The following EXPH5 variants were observed in gnomAD, a reference collection of about 807,000 sequenced individuals.
The protein encoded by EXPH5 is exophilin 5.
A neutral mutation model predicts 41.1 loss-of-function variants in EXPH5; 42 were observed. That is an observed-to-expected ratio of 1.02 (90% CI 0.80 to 1.32). The LOEUF is 1.32. Among genes scored for constraint, EXPH5 ranks in the 40% most tolerant of loss-of-function variants. The pLI is 0.00. For synonymous variants in EXPH5, 798 were observed against 833.5 expected (o/e 0.96, Z 0.73); for missense variants, 2,298 against 2,314.5 (o/e 0.99, Z 0.15).
chr11:108,578,433 C>T (rs578007802), intron 1 of EXPH5, among the ~76,000 whole-genome samples: 1 of 152,220 alleles, frequency 6.6e-6, no homozygotes, highest in South Asian at 2.1e-4. Flanking sequence ...TTAGTTACTG[C>T]TGCTTTGTAG....
At chr11:108,544,868 T>C (rs950017299) in intron 1 of EXPH5, among the ~76,000 whole-genome samples, 28 of 152,188 alleles carry the variant, frequency 1.8e-4, no homozygotes, top group African/African-American at 5.1e-4. Context: ...TGTTTTAGAG[T>C]AGAATAATTA....
At chr11:108,549,722 G>T (rs1212432294) in intron 1 of EXPH5, among the ~76,000 whole-genome samples, 1 of 152,172 alleles carries the variant, frequency 6.6e-6, no homozygotes, top group African/African-American at 2.4e-5. Flanking sequence ...CAGAGCCCAG[G>T]AGTAGTGTCA....
chr11:108,552,778 G>T (rs1165838508), intron 1 of EXPH5, among the ~76,000 whole-genome samples: 1 of 152,142 alleles, frequency 6.6e-6, no homozygotes, highest in Non-Finnish European at 1.5e-5. Flanking sequence ...AACTAGCTGG[G>T]CTTGCTAGTG....
At chr11:108,568,987 T>G (rs2094047522) in intron 1 of EXPH5, among the ~76,000 whole-genome samples, 1 of 152,070 alleles carries the variant, frequency 6.6e-6, no homozygotes. Flanking sequence ...TTTGTCAAGC[T>G]CAGGGGCCTC....
chr11:108,558,365 A>G (rs755432626), intron 1 of EXPH5, among the ~76,000 whole-genome samples: 1 of 152,262 alleles, frequency 6.6e-6, no homozygotes, highest in African/African-American at 2.4e-5. Flanking sequence ...CTGGGACTAC[A>G]GGCACATGCC....
chr11:108,558,857 G>A (rs778732244), intron 1 of EXPH5, among the ~76,000 whole-genome samples: 2 of 152,152 alleles, frequency 1.3e-5, no homozygotes, highest in Non-Finnish European at 2.9e-5. Flanking sequence ...CTTCCACCTA[G>A]ATTATTTCAT....
chr11:108,593,011 C>T (rs2094131364), intron 1 of EXPH5, among the ~76,000 whole-genome samples: 1 of 152,226 alleles, frequency 6.6e-6, no homozygotes, highest in Non-Finnish European at 1.5e-5. Context: ...CGTGGGTGCG[C>T]GCGGGCCGCG....
Position 108,514,046 on chromosome 11 carries a change from A to AT in EXPH5, c.1460dup (p.His487GlnfsTer6). On this transcript the variant is annotated frameshift_variant, in exon 6 of 6. Coordinates refer to ENST00000265843, the MANE Select transcript of EXPH5 (RefSeq NM_015065.3). LOFTEE classifies it low-confidence loss of function (END_TRUNC). ...TTCGATGAAAGTCAGACCAGAAAGAATGTCCTTTCTCTTGGCCCCAAAAAG... is the reference window on the plus strand; with the variant it reads ...TTCGATGAAAGTCAGACCAGAAAGAATTGTCCTTTCTCTTGGCCCCAAAAAG... 6.2e-7 allele frequency: 1 copy of AT among 1,614,174 alleles called. No homozygotes were observed. Among genetic ancestry groups the AT allele is most frequent in the Non-Finnish European group, 8.5e-7 (1 of 1,180,006 alleles).
At chr11:108,562,362 G>A (rs560865047) in intron 1 of EXPH5, among the ~76,000 whole-genome samples, 6 of 151,008 alleles carry the variant, frequency 4.0e-5, no homozygotes, top group Non-Finnish European at 5.9e-5. Context: ...GGAGGTCGAG[G>A]TGGTGGATCA....
rs868697194 is a variant in EXPH5 at position 108,506,114 on chromosome 11, T to C, written c.*3423A>G. On this transcript the variant is annotated 3_prime_UTR_variant, in exon 6 of 6. Coordinates refer to ENST00000265843, the MANE Select transcript of EXPH5 (RefSeq NM_015065.3). ...GTATTTATTACGATTGATTCCCCTA[T>C]GATTTACTCCATTTACATGAATGTT... The C allele has an allele frequency of 6.6e-5, 10 of 152,212 alleles. No homozygotes were observed. Among genetic ancestry groups the C allele is most frequent in the Non-Finnish European group, 1.2e-4 (8 of 68,030 alleles). The allele number at this position is 152,212 out of a possible 1,614,324, so 9.4% of individuals were successfully genotyped here.
chr11:108,539,465 C>A (rs1486399310), intron 2 of EXPH5, among the ~76,000 whole-genome samples: 1 of 152,162 alleles, frequency 6.6e-6, no homozygotes, highest in Admixed American at 6.5e-5. Flanking sequence ...CTCACCCAAG[C>A]TAGGAAATCA....
At chr11:108,532,364 ATATTTTTTTTTTTTTTTTTTT>A (rs2093847706) in intron 3 of EXPH5, among the ~76,000 whole-genome samples, 1 of 21,600 alleles carries the variant, frequency 4.6e-5, no homozygotes, top group African/African-American at 3.5e-4. Flanking sequence ...ATATATATAT[ATATTTTTTTTTTTTTTTTTTT>A]TTTTTTTTTT....
At chr11:108,515,583 A>G (rs2135936494) in intron 5 of EXPH5, among the ~76,000 whole-genome samples, 1 of 152,130 alleles carries the variant, frequency 6.6e-6, no homozygotes, top group Non-Finnish European at 1.5e-5. Flanking sequence ...AACGCTTAAT[A>G]TATTAACTCA....
intron 3 of EXPH5, chr11:108,537,843 A>C: frequency 2.9e-6 from 1 of 346,986 alleles, no homozygotes; most frequent in Non-Finnish European, 4.1e-6. Context: ...CACGCAGTGG[A>C]AATATTTTTT....
At chr11:108,546,823 AT>A (rs5794595) in intron 1 of EXPH5, among the ~76,000 whole-genome samples, 122,757 of 144,734 alleles carry the variant, frequency 0.85, 51,747 homozygotes, top group South Asian at 0.94. Context: ...ATTTTCTATT[AT>A]TTTTTTTTTT....
chr11:108,582,206 G>A (rs966229110), intron 1 of EXPH5, among the ~76,000 whole-genome samples: 1 of 152,228 alleles, frequency 6.6e-6, no homozygotes, highest in Non-Finnish European at 1.5e-5. Flanking sequence ...GCTCATGGCT[G>A]TAATCCCAGC....
rs78740768 is a variant in EXPH5, at chr11:108,520,162, G to C, written c.493-1789C>G. On this transcript the variant is annotated intron_variant, in intron 4 of 5. Transcript: ENST00000265843. The stretch of plus-strand genomic sequence containing the variant: ...CCGCCTCCAGTCAGATCAGCCCTGG[G>C]ATTAGGCGTTAGATTCTCACAGGAT... Among the ~76,000 whole-genome samples the C allele has an allele frequency of 6.7e-3, 1,023 of 152,252 alleles. 9 individuals are homozygous for C. The highest frequency in any genetic ancestry group is 0.023 in the African/African-American group (971 of 41,534).
At chr11:108,560,144 A>G (rs902148906) in intron 1 of EXPH5, among the ~76,000 whole-genome samples, 2 of 152,180 alleles carry the variant, frequency 1.3e-5, no homozygotes, top group African/African-American at 4.8e-5. Flanking sequence ...GAGGTTTTCT[A>G]AATGTCAGCA....
At chr11:108,525,523 CTA>C (rs563891666) in intron 4 of EXPH5, among the ~76,000 whole-genome samples, 117 of 152,290 alleles carry the variant, frequency 7.7e-4, no homozygotes, top group Admixed American at 1.4e-3. Flanking sequence ...TCTAAAATTT[CTA>C]TGTTTTCTGA....
Sources: gnomAD v4.1 joint callset for allele counts (sites outside exome capture counted in the v4.1 genomes callset) on GRCh38, gnomAD v4.1.1 for gene constraint, MANE v1.5 for transcripts, NCBI Gene and HGNC (gene_info 2026-07-23, HGNC 2026-07-21) for gene names.